The following CDK8 variants were observed in gnomAD, a reference collection of about 807,000 sequenced individuals.
CDK8 encodes cyclin-dependent kinase 8.
A neutral mutation model predicts 71.5 loss-of-function variants in CDK8; 29 were observed. That is an observed-to-expected ratio of 0.41 (90% confidence interval 0.30 to 0.55). CDK8 has a LOEUF of 0.55. CDK8 is among the 20% of genes least tolerant of loss of function. The pLI is 0.37. For missense variants in CDK8, 288 were observed against 572.6 expected (o/e 0.50, Z 5.07); for synonymous variants, 161 against 192.1 (o/e 0.84, Z 1.34).
chr13:26,323,861 A>G (rs189282926), intron 1 of CDK8, among the ~76,000 whole-genome samples: 2 of 152,200 alleles, frequency 1.3e-5, no homozygotes, highest in East Asian at 1.9e-4. Flanking sequence ...CTCTGCAAAG[A>G]TGGTACTTTT....
At chr13:26,258,453 CTG>C (rs1871623661) in intron 1 of CDK8, among the ~76,000 whole-genome samples, 1 of 150,936 alleles carries the variant, frequency 6.6e-6, no homozygotes, top group African/African-American at 2.4e-5. Context: ...ATGGGTGTGT[CTG>C]TACGTATATA....
intron 1 of CDK8, among the ~76,000 whole-genome samples, chr13:26,256,916 G>A (rs1871549229): frequency 6.6e-6 from 1 of 151,422 alleles, no homozygotes; most frequent in South Asian, 2.1e-4. Flanking sequence ...GTTTTAGAGA[G>A]TTTTAAAATT....
chr13:26,334,824 A>C (rs1872907936), intron 1 of CDK8, among the ~76,000 whole-genome samples: 1 of 152,194 alleles, frequency 6.6e-6, no homozygotes, highest in Non-Finnish European at 1.5e-5. Context: ...CCTTCCTTTT[A>C]GTATATGACC....
intron 9 of CDK8, 43 bp from the exon 10 acceptor site, chr13:26,400,410 G>A (rs1220858974): frequency 1.7e-6 from 2 of 1,167,834 alleles, no homozygotes; most frequent in East Asian, 4.7e-5. Context: ...AAAGATAACT[G>A]TGAGAAGCAA....
intron 4 of CDK8, among the ~76,000 whole-genome samples, chr13:26,379,234 G>A (rs547383167): frequency 5.3e-4 from 80 of 152,242 alleles, no homozygotes; most frequent in African/African-American, 1.9e-3. Flanking sequence ...ATGCCCAAAC[G>A]GAATCTGAAT....
chr13:26,375,456 T>A (rs1300506158), intron 4 of CDK8, among the ~76,000 whole-genome samples: 1 of 152,232 alleles, frequency 6.6e-6, no homozygotes, highest in Non-Finnish European at 1.5e-5. Context: ...CACCCTTTTA[T>A]ATTGCAAATG....
chr13:26,351,571 C>G (rs1873681678), intron 3 of CDK8, among the ~76,000 whole-genome samples: 1 of 152,106 alleles, frequency 6.6e-6, no homozygotes, highest in South Asian at 2.1e-4. Context: ...TAATATTTCA[C>G]TCAATGTGAT....
At chr13:26,392,179 T>C (rs1189788840) in intron 6 of CDK8, among the ~76,000 whole-genome samples, 3 of 152,212 alleles carry the variant, frequency 2.0e-5, no homozygotes, top group Admixed American at 6.5e-5. Context: ...AAATAGATCT[T>C]ACCTCTACTA....
chr13:26,275,918 C>T (rs185385419), intron 1 of CDK8, among the ~76,000 whole-genome samples: 10 of 152,066 alleles, frequency 6.6e-5, no homozygotes, highest in Admixed American at 1.3e-4. Flanking sequence ...GCTGGAGTGC[C>T]GTGGCACAAT....
intron 4 of CDK8, among the ~76,000 whole-genome samples, chr13:26,362,202 A>G (rs1260781081): frequency 1.3e-5 from 2 of 150,774 alleles, no homozygotes; most frequent in Non-Finnish European, 2.9e-5. Flanking sequence ...AGGTAGATGT[A>G]TGTGTGGATG....
At chr13:26,315,860 C>G (rs1306377208) in intron 1 of CDK8, among the ~76,000 whole-genome samples, 2 of 152,198 alleles carry the variant, frequency 1.3e-5, no homozygotes, top group Non-Finnish European at 1.5e-5. Context: ...GAACTTGTCT[C>G]TTTCTATGAA....
chr13:26,360,140 C>T (rs981187308), intron 4 of CDK8, among the ~76,000 whole-genome samples: 1 of 152,236 alleles, frequency 6.6e-6, no homozygotes, highest in East Asian at 1.9e-4. Flanking sequence ...ATTTCTTTTA[C>T]TGGGAAGAAT....
At chr13:26,279,953 G>C (rs913804336) in intron 1 of CDK8, among the ~76,000 whole-genome samples, 2 of 151,906 alleles carry the variant, frequency 1.3e-5, no homozygotes, top group African/African-American at 4.8e-5. Context: ...ACTTTCAAGT[G>C]GTTCAGAAGA....
chr13:26,361,956 C>T (rs1037795631), intron 4 of CDK8, among the ~76,000 whole-genome samples: 16 of 151,780 alleles, frequency 1.1e-4, no homozygotes, highest in Admixed American at 1.1e-3. Flanking sequence ...TTCTAATGCA[C>T]TTATTATTGG....
chr13:26,301,110 G>C (rs1255771773), intron 1 of CDK8, among the ~76,000 whole-genome samples: 1 of 151,950 alleles, frequency 6.6e-6, no homozygotes, highest in Admixed American at 6.6e-5. Context: ...CACTTCTGCA[G>C]CTAGAGAGTA....
intron 6 of CDK8, among the ~76,000 whole-genome samples, chr13:26,386,915 C>T (rs1272561012): frequency 6.6e-6 from 1 of 152,166 alleles, no homozygotes; most frequent in African/African-American, 2.4e-5. Context: ...ATGCTGACCA[C>T]TTGGTGGGCA....
chr13:26,287,939 G>A (rs1480500649), intron 1 of CDK8, among the ~76,000 whole-genome samples: 1 of 152,068 alleles, frequency 6.6e-6, no homozygotes, highest in Non-Finnish European at 1.5e-5. Context: ...TTAATGAGCA[G>A]AAGTTCTTAA....
intron 1 of CDK8, among the ~76,000 whole-genome samples, chr13:26,314,101 G>A (rs185720551): frequency 9.6e-4 from 146 of 152,264 alleles, no homozygotes; most frequent in Non-Finnish European, 1.6e-3. Context: ...TAAGGCTGAG[G>A]AAAAGATCTC....
At chr13:26,318,544 C>T (rs895069410) in intron 1 of CDK8, among the ~76,000 whole-genome samples, 6 of 152,120 alleles carry the variant, frequency 3.9e-5, no homozygotes, top group African/African-American at 1.4e-4. Context: ...AAAATACTAG[C>T]ACCCCAAATT....
Sources: allele counts gnomAD v4.1 joint callset (sites outside exome capture counted in the v4.1 genomes callset), GRCh38; gene constraint gnomAD v4.1.1; transcripts MANE v1.5; gene names NCBI Gene and HGNC (gene_info 2026-07-23, HGNC 2026-07-21).